TAFA1: variants seen among roughly 807,000 people sequenced by gnomAD.
TAFA1 encodes the protein TAFA chemokine like family member 1.
In TAFA1, 4 loss-of-function variants were observed where a neutral mutation model predicts 18.5. That is an observed-to-expected ratio of 0.22 (90% CI 0.11 to 0.49). The LOEUF (loss-of-function observed/expected upper bound fraction) is 0.49, where lower values mean the gene tolerates loss of function less well. Among genes scored for constraint, TAFA1 ranks in the 20% least tolerant of loss-of-function variants. The pLI, the probability that TAFA1 is intolerant of heterozygous loss-of-function variation, is 0.98. For missense variants in TAFA1, 147 were observed against 169.0 expected, an observed-to-expected ratio of 0.87 and a Z score of 0.72; for synonymous variants, 56 against 55.2, an observed-to-expected ratio of 1.01 and a Z score of -0.06.
chr3:68,362,211 G>T (rs761282949), intron 2 of TAFA1, among the ~76,000 whole-genome samples: 54 of 152,212 alleles, frequency 3.5e-4, no homozygotes, highest in Admixed American at 7.9e-4. Flanking sequence ...GAGGAAGATG[G>T]AAACATGATT....
intron 2 of TAFA1, among the ~76,000 whole-genome samples, chr3:68,257,428 G>A (rs1234598303): frequency 6.6e-6 from 1 of 151,306 alleles, no homozygotes; most frequent in East Asian, 2.0e-4. Context: ...AGCCATGGAC[G>A]GTGTCCATCT....
intron 3 of TAFA1, among the ~76,000 whole-genome samples, chr3:68,490,838 T>TCC (rs1349151172): frequency 8.5e-6 from 1 of 117,322 alleles, no homozygotes; most frequent in Non-Finnish European, 1.9e-5. Flanking sequence ...TTTCTTTTTT[T>TCC]TCTTTTTTTT....
At chr3:68,484,298 A>G (rs2072296154) in intron 3 of TAFA1, among the ~76,000 whole-genome samples, 1 of 152,204 alleles carries the variant, frequency 6.6e-6, no homozygotes, top group African/African-American at 2.4e-5. Flanking sequence ...GTTGAACAGC[A>G]TAGTTTTAGA....
At chr3:68,410,607 A>G (rs1340880965) in intron 2 of TAFA1, among the ~76,000 whole-genome samples, 1 of 146,404 alleles carries the variant, frequency 6.8e-6, no homozygotes, top group South Asian at 2.1e-4. Flanking sequence ...TCTTTATTCT[A>G]TATCCTCTGC....
chr3:68,218,947 G>C (rs554092219), intron 2 of TAFA1, among the ~76,000 whole-genome samples: 50 of 151,226 alleles, frequency 3.3e-4, no homozygotes, highest in Middle Eastern at 7.0e-3. Context: ...AAATCCTTTT[G>C]AGTGTCCTTG....
the TAFA1 span, among the ~76,000 whole-genome samples, chr3:67,991,595 A>T: frequency 6.6e-6 from 1 of 152,200 alleles, no homozygotes; most frequent in Non-Finnish European, 1.5e-5. Flanking sequence ...GGCCCTGGAC[A>T]TCAGAACCCC....
chr3:68,190,685 C>T (rs189341993), intron 2 of TAFA1, among the ~76,000 whole-genome samples: 9 of 151,730 alleles, frequency 5.9e-5, no homozygotes, highest in East Asian at 2.0e-4. Flanking sequence ...TTTCTTATGG[C>T]GGTAAATAAA....
At chr3:68,479,239 A>ATATATATATATAT (rs1282917420) in intron 3 of TAFA1, among the ~76,000 whole-genome samples, 2 of 122,992 alleles carry the variant, frequency 1.6e-5, no homozygotes, top group African/African-American at 7.9e-5. Context: ...CAAAAAAAAA[A>ATATATATATATAT]AAATATATAT....
intron 2 of TAFA1, among the ~76,000 whole-genome samples, chr3:68,249,875 GT>G (rs746627280): frequency 4.6e-5 from 7 of 152,118 alleles, no homozygotes; most frequent in Non-Finnish European, 1.0e-4. Context: ...CAGAGGTGGA[GT>G]GTCTCCTCTT....
At position 68,254,063 on chromosome 3, in the gene TAFA1, A is replaced by ATCTG. The variant is rs1010819914; in HGVS notation, c.119-163200_119-163197dup. On this transcript the variant is annotated intron_variant, in intron 2 of 4. Transcript: ENST00000478136. ...TGCATGGAACTCTGTGTTTCTGTCT[A>ATCTG]TCTGTCTGTCTGTCTGTCTGCCTGT... Among the ~76,000 whole-genome samples, 21 of 151,988 alleles carry ATCTG rather than the reference A, an allele frequency of 1.4e-4. No individual in the cohort carries two copies. The South Asian group carries it at 2.5e-3, about 18-fold the overall frequency.
At chr3:68,032,854 C>A (rs1317669214) in intron 2 of TAFA1, among the ~76,000 whole-genome samples, 1 of 152,174 alleles carries the variant, frequency 6.6e-6, no homozygotes, top group African/African-American at 2.4e-5. Flanking sequence ...AATGTGTAAA[C>A]TAATGATTTG....
intron 2 of TAFA1, among the ~76,000 whole-genome samples, chr3:68,216,220 C>T (rs1364647726): frequency 1.8e-4 from 27 of 151,936 alleles, no homozygotes; most frequent in Admixed American, 1.6e-3. Flanking sequence ...CTGCTCTGTA[C>T]GATAGTCTAA....
chr3:68,094,955 T>G (rs6800369), intron 2 of TAFA1, among the ~76,000 whole-genome samples: 54,893 of 152,100 alleles, frequency 0.36, 10,355 homozygotes, highest in East Asian at 0.49. Flanking sequence ...CAAGGAGTCA[T>G]CTTGTAGAAT....
intron 2 of TAFA1, among the ~76,000 whole-genome samples, chr3:68,344,497 G>A (rs972769659): frequency 2.0e-5 from 3 of 152,162 alleles, no homozygotes; most frequent in Admixed American, 6.5e-5. Context: ...GAGTACAGAC[G>A]TGTGTGATGA....
chr3:68,279,388 T>G (rs2067856987), intron 2 of TAFA1, among the ~76,000 whole-genome samples: 1 of 152,134 alleles, frequency 6.6e-6, no homozygotes, highest in Admixed American at 6.6e-5. Context: ...GTGTTCATTC[T>G]TGGATTCATC....
intron 2 of TAFA1, among the ~76,000 whole-genome samples, chr3:68,049,327 T>C (rs1324354865): frequency 1.3e-5 from 2 of 152,102 alleles, no homozygotes; most frequent in African/African-American, 4.8e-5. Context: ...CCACCAGGTG[T>C]CTATGTGACA....
At chr3:68,498,995 CT>C (rs1414950915) in intron 3 of TAFA1, among the ~76,000 whole-genome samples, 1 of 152,000 alleles carries the variant, frequency 6.6e-6, no homozygotes, top group African/African-American at 2.4e-5. Context: ...AATTTTCTCT[CT>C]CCTACTTTTG....
intron 2 of TAFA1, among the ~76,000 whole-genome samples, chr3:68,024,346 C>A (rs1199994162): frequency 1.3e-5 from 2 of 151,976 alleles, no homozygotes; most frequent in Non-Finnish European, 2.9e-5. Context: ...GGGGACATTG[C>A]AATTTTAGGT....
At chr3:68,232,186 A>G (rs948187966) in intron 2 of TAFA1, among the ~76,000 whole-genome samples, 9 of 152,166 alleles carry the variant, frequency 5.9e-5, no homozygotes, top group African/African-American at 1.7e-4. Context: ...GTCATTTTGT[A>G]TATGTTAATC....
Sources: gnomAD v4.1 joint callset for allele counts (sites outside exome capture counted in the v4.1 genomes callset) on GRCh38, gnomAD v4.1.1 for gene constraint, MANE v1.5 for transcripts, NCBI Gene and HGNC (gene_info 2026-07-23, HGNC 2026-07-21) for gene names.